DNAAF5: variants seen among roughly 807,000 people sequenced by gnomAD.
DNAAF5 encodes the protein HEAT repeat containing 2.
Under a neutral mutation model 75.8 loss-of-function variants are expected in DNAAF5, and 64 were observed. That is an observed-to-expected ratio of 0.84 (90% CI 0.69 to 1.04). DNAAF5 has a LOEUF of 1.04. Ranked by LOEUF, DNAAF5 falls within the 50% of genes least tolerant of loss-of-function variation. The pLI is 0.00. For synonymous variants in DNAAF5, 657 were observed against 557.2 expected, an observed-to-expected ratio of 1.18 and a Z score of -2.52; for missense variants, 1,269 against 1,178.5, an observed-to-expected ratio of 1.08 and a Z score of -1.12.
chr7:754,633 C>A lies in DNAAF5; in HGVS notation c.1069C>A (p.Leu357Ile). 6.2e-7 allele frequency: 1 copy of A among 1,614,172 alleles called. No individual in the cohort carries two copies. Among genetic ancestry groups the A allele is most frequent in the Non-Finnish European group, 8.5e-7 (1 of 1,180,022 alleles). Residue 357 changes from leucine (L) to isoleucine (I), a missense_variant, in exon 5 of 13, where the codon CTC (leucine) becomes ATC (isoleucine). Coordinates refer to ENST00000297440, the MANE Select transcript of DNAAF5 (RefSeq NM_017802.4). The surrounding 1 kb of genome is among the most constrained non-coding windows in gnomAD (Gnocchi z 4.8). ...CTGCCGGGAGCTCGTCTTCAGGAAC[C>A]TCTCCAAGATCCTCCCTGCCCTGTG... ...LGCRELVFRN[L>I]SKILPALCHD...
intron 2 of DNAAF5, 97 bp from the exon 3 acceptor site, chr7:740,722 G>A: frequency 6.6e-7 from 1 of 1,523,730 alleles, no homozygotes; most frequent in Non-Finnish European, 8.9e-7. Flanking sequence ...TCTGCCTCAG[G>A]CAGCGTCCGT....
rs149033412 is a variant in DNAAF5, at chr7:760,007, C to T, written c.1471-1746C>T. ...GAATGGAATAAAAACAAATCTGTGG[C>T]TTCTGTGGGAGTTGGGGCCACGACA... is the stretch of plus-strand genomic sequence containing the variant. On this transcript the variant is annotated intron_variant, in intron 6 of 12. Transcript: ENST00000297440. 1.2e-3 allele frequency among the ~76,000 whole-genome samples: 177 copies of T among 152,198 alleles called. 1 individual carries two copies. The highest frequency in any genetic ancestry group is 8.3e-3 in the South Asian group (40 of 4,828).
At chr7:771,907 A>G (rs886683786) in intron 9 of DNAAF5, 1 of 152,268 alleles carries the variant, frequency 6.6e-6, no homozygotes, top group Non-Finnish European at 1.5e-5. Flanking sequence ...TAAAGTGTTC[A>G]GATGGCAGTG....
chr7:741,245 TCA>T, intron 3 of DNAAF5, 100 bp from the exon 4 acceptor site: 1 of 864,110 alleles, frequency 1.2e-6, no homozygotes, highest in Non-Finnish European at 1.8e-6. Context: ...CTTCCCGCTC[TCA>T]CGCAATGGGG....
intron 4 of DNAAF5, among the ~76,000 whole-genome samples, chr7:746,757 G>A (rs1782126757): frequency 1.3e-5 from 2 of 152,066 alleles, no homozygotes; most frequent in African/African-American, 4.8e-5. Flanking sequence ...CTTCAGGGCT[G>A]CAGCTCTGTG....
chr7:749,286 T>G (rs7790823), intron 4 of DNAAF5, among the ~76,000 whole-genome samples: 120,004 of 152,160 alleles, frequency 0.79, 47,520 homozygotes, highest in South Asian at 0.86. Context: ...CCAGAGTCCT[T>G]TCTGCTTTGA....
intron 2 of DNAAF5, among the ~76,000 whole-genome samples, chr7:730,096 T>A (rs1243419432): frequency 2.6e-5 from 4 of 152,210 alleles, no homozygotes; most frequent in Non-Finnish European, 5.9e-5. Flanking sequence ...TTATTGTCTC[T>A]TAGGCACAGT....
rs1425588365 is a variant in DNAAF5 at position 754,874 on chromosome 7, T to TCCCGCCTCTGTGGTGTGCGG, written c.1257+54_1257+73dup. ...GCGGAGCTGTAACTCGAGCTTAAGA[T>TCCCGCCTCTGTGGTGTGCGG]CCCGCCTCTGTGGTGTGCGGGGCCC... On this transcript the variant is annotated intron_variant, in intron 5 of 12. Coordinates refer to ENST00000297440, the MANE Select transcript of DNAAF5 (RefSeq NM_017802.4). This position sits in a 1 kb window ranked among gnomAD's most constrained non-coding sequence, Gnocchi z 4.8. 1 of 1,366,084 alleles carries TCCCGCCTCTGTGGTGTGCGG rather than the reference T, an allele frequency of 7.3e-7. No homozygotes were observed. The highest frequency in any genetic ancestry group is 1.4e-5 in the African/African-American group (1 of 69,856). 84.6% of individuals were successfully genotyped at this position (1,366,084 alleles called of 1,614,324 possible). A position where few individuals can be genotyped will look rare whatever the true frequency, so the allele number is the denominator to read the frequency against.
chr7:753,503 A>ACCCCCACCATGCCGATG (rs1236524174), intron 4 of DNAAF5, among the ~76,000 whole-genome samples: 1 of 152,000 alleles, frequency 6.6e-6, no homozygotes. Flanking sequence ...CGCAGCTGTC[A>ACCCCCACCATGCCGATG]CCCCCACCAT....
intron 4 of DNAAF5, among the ~76,000 whole-genome samples, chr7:753,731 C>T (rs111639273): frequency 3.3e-4 from 48 of 146,678 alleles, no homozygotes; most frequent in African/African-American, 1.0e-3. Flanking sequence ...GGGACGGCTT[C>T]GCAGGCGTGT....
intron 4 of DNAAF5, among the ~76,000 whole-genome samples, chr7:744,029 G>C (rs1782005397): frequency 6.6e-6 from 1 of 151,572 alleles, no homozygotes; most frequent in South Asian, 2.1e-4. Flanking sequence ...ATGCTGGTGT[G>C]CTGCACCCAT....
At chr7:746,356 G>A (rs557829646) in intron 4 of DNAAF5, among the ~76,000 whole-genome samples, 2 of 104,232 alleles carry the variant, frequency 1.9e-5, no homozygotes, top group Non-Finnish European at 3.6e-5. Flanking sequence ...CCTCCTTACC[G>A]TCCTGCTGCC....
chr7:774,880 G>A, intron 10 of DNAAF5, 126 bp from the exon 11 acceptor site: 2 of 776,020 alleles, frequency 2.6e-6, no homozygotes, highest in Admixed American at 2.3e-5. Flanking sequence ...GAAGATTCAA[G>A]CCTACTTTTT....
At chr7:755,147 G>C (rs1782443411) in intron 5 of DNAAF5, among the ~76,000 whole-genome samples, 1 of 152,240 alleles carries the variant, frequency 6.6e-6, no homozygotes, top group Admixed American at 6.5e-5. Flanking sequence ...ACAGGACCGA[G>C]ATGCCCAGCG....
chr7:783,662 G>C (rs567353862), intron 12 of DNAAF5, among the ~76,000 whole-genome samples: 1 of 152,326 alleles, frequency 6.6e-6, no homozygotes, highest in South Asian at 2.1e-4. Context: ...GAGGACAGCA[G>C]CTCACGTGCA....
chr7:726,964 C>A lies in DNAAF5; in HGVS notation c.244C>A (p.Leu82Met). ...PWARLLLPRL[L>M]RCLSDPAEGC... ...GGCGCGCCTACTGCTGCCGCGCTTG[C>A]TGCGCTGCCTGAGCGACCCCGCCGA... Residue 82 changes from leucine (L) to methionine (M), a missense_variant, in exon 1 of 13, where the codon CTG becomes ATG. Leu to Met is a conservative substitution (Grantham distance 15, BLOSUM62 2). Transcript: ENST00000297440. 1 of 1,316,164 alleles carries A rather than the reference C, an allele frequency of 7.6e-7. No homozygotes were observed. Among genetic ancestry groups the A allele is most frequent in the Non-Finnish European group, 9.7e-7 (1 of 1,028,124 alleles). 81.5% of individuals were successfully genotyped at this position (1,316,164 alleles called of 1,614,324 possible).
At chr7:756,477 T>C (rs552518293) in intron 5 of DNAAF5, among the ~76,000 whole-genome samples, 2 of 152,196 alleles carry the variant, frequency 1.3e-5, no homozygotes, top group African/African-American at 4.8e-5. Context: ...GATGGGAAGG[T>C]TGGGTCACTG....
intron 6 of DNAAF5, 65 bp downstream of exon 6, chr7:757,059 C>T (rs1207871299): frequency 1.4e-6 from 2 of 1,461,762 alleles, no homozygotes; most frequent in East Asian, 2.4e-5. Context: ...CGTCAGCCAT[C>T]GTAATGACAT....
In DNAAF5 at chr7:754,560, C is replaced by T. The variant is rs201599972; in HGVS notation, c.1025-29C>T. 2.1e-4 allele frequency: 336 copies of T among 1,585,736 alleles called. 4 individuals carry two copies. The East Asian group carries it at 6.3e-3, about 30-fold the overall frequency. Reference sequence around the variant, plus strand: ...TTGTTGAGGTTTTGCTTGTGAATTTCTCATTCTTCTTTCCCTTTTTCGTTC... The same window carrying T: ...TTGTTGAGGTTTTGCTTGTGAATTTTTCATTCTTCTTTCCCTTTTTCGTTC... On this transcript the variant is annotated intron_variant, in intron 4 of 12. Coordinates refer to ENST00000297440, the MANE Select transcript of DNAAF5 (RefSeq NM_017802.4). This position sits in a 1 kb window ranked among gnomAD's most constrained non-coding sequence, Gnocchi z 4.8.
Sources: allele counts gnomAD v4.1 joint callset (sites outside exome capture counted in the v4.1 genomes callset), GRCh38; gene constraint gnomAD v4.1.1; non-coding constraint Gnocchi (gnomAD v3.1); transcripts MANE v1.5; gene names NCBI Gene and HGNC (gene_info 2026-07-23, HGNC 2026-07-21).